Variants in KCNQ1 observed in about 807,000 individuals in gnomAD.
KCNQ1 encodes the protein potassium voltage-gated channel subfamily KQT member 1.
Under a neutral mutation model 72.4 loss-of-function variants are expected in KCNQ1, and 49 were observed. The observed-to-expected ratio is 0.68, with a 90% confidence interval of 0.54 to 0.86. KCNQ1 has a LOEUF of 0.86. Among genes scored for constraint, KCNQ1 ranks in the 40% least tolerant of loss-of-function variants. The pLI is 0.00. For synonymous variants in KCNQ1, 450 were observed against 412.6 expected (o/e 1.09, Z -1.10); for missense variants, 790 against 945.1 (o/e 0.84, Z 2.15).
At chr11:2,542,305 G>A (rs1847839665) in intron 2 of KCNQ1, among the ~76,000 whole-genome samples, 1 of 152,272 alleles carries the variant, frequency 6.6e-6, no homozygotes, top group African/African-American at 2.4e-5. Flanking sequence ...CTCCTCCCCT[G>A]GCGGGGGCGG....
chr11:2,574,963 G>A (rs1023321468), intron 6 of KCNQ1, among the ~76,000 whole-genome samples: 10 of 152,176 alleles, frequency 6.6e-5, no homozygotes, highest in African/African-American at 1.2e-4. Flanking sequence ...TGGGTAGGGC[G>A]TGCTCGGGGG....
intron 1 of KCNQ1, 104 bp downstream of exon 1, chr11:2,445,588 G>A (rs765236939): frequency 9.0e-5 from 118 of 1,308,516 alleles, no homozygotes; most frequent in Non-Finnish European, 1.2e-4. Context: ...CTGCGACCCC[G>A]GAGCAGAGGA....
intron 6 of KCNQ1, among the ~76,000 whole-genome samples, chr11:2,577,140 G>C (rs1848434602): frequency 1.3e-5 from 2 of 152,216 alleles, no homozygotes; most frequent in Admixed American, 1.3e-4. Context: ...TGGTGAGGCT[G>C]GGTCTCCGTT....
chr11:2,679,259 G>A lies in KCNQ1; in HGVS notation c.1514+17178G>A. ...ACAGCTGCCTGTCCCACCCTTGGCT[G>A]TGCTCTCCTTTACTAATCCATAGCC... On this transcript the variant is annotated intron_variant, in intron 11 of 15. Transcript: ENST00000155840. This position sits in a 1 kb window ranked among gnomAD's most constrained non-coding sequence, Gnocchi z 4.8. The A allele has an allele frequency of 1.3e-5, 5 of 398,654 alleles. No homozygotes were observed. Among genetic ancestry groups the A allele is most frequent in the Admixed American group, 4.4e-5 (1 of 22,738 alleles). 24.7% of individuals were successfully genotyped at this position (398,654 alleles called of 1,614,324 possible). A position where few individuals can be genotyped will look rare whatever the true frequency, so the allele number is the denominator to read the frequency against.
rs1846657524 is a variant in KCNQ1 at position 2,481,949 on chromosome 11, C to T, written c.386+36465C>T. Among the ~76,000 whole-genome samples, 1 of 152,228 alleles carries T rather than the reference C, an allele frequency of 6.6e-6. No individual in the cohort carries two copies. Among genetic ancestry groups the T allele is most frequent in the Non-Finnish European group, 1.5e-5 (1 of 68,052 alleles). ...TTGAATCATCCCAGAACCACCCACA[C>T]CACTGGTCTGTGGAAAAACTGTTTT... On this transcript the variant is annotated intron_variant, in intron 1 of 15. Transcript: ENST00000155840. This position sits in a 1 kb window ranked among gnomAD's most constrained non-coding sequence, Gnocchi z 4.6.
intron 10 of KCNQ1, chr11:2,622,846 C>T: frequency 2.5e-6 from 1 of 398,668 alleles, no homozygotes; most frequent in Non-Finnish European, 4.4e-6. Context: ...ACCAGAGTGG[C>T]ACGTTTGTTA....
chr11:2,627,352 T>C lies in KCNQ1; in HGVS notation c.1394-34609T>C, dbSNP rs934361998. ...ACCTAAGCTATACTCTCTTAGCAAATTCCAAGTATAGAATATATTAACTAT... is the reference window on the plus strand; with the variant it reads ...ACCTAAGCTATACTCTCTTAGCAAACTCCAAGTATAGAATATATTAACTAT... On this transcript the variant is annotated intron_variant, in intron 10 of 15. Coordinates refer to ENST00000155840, the MANE Select transcript of KCNQ1 (RefSeq NM_000218.3). The surrounding 1 kb of genome is among the most constrained non-coding windows in gnomAD (Gnocchi z 4.9). The C allele has an allele frequency of 5.0e-6, 2 of 398,516 alleles. No homozygotes were observed. Among genetic ancestry groups the C allele is most frequent in the Non-Finnish European group, 8.8e-6 (2 of 226,040 alleles). The allele number at this position is 398,516 out of a possible 1,614,324, so 24.7% of individuals were successfully genotyped here.
intron 11 of KCNQ1, among the ~76,000 whole-genome samples, chr11:2,719,375 G>T (rs1002405852): frequency 6.6e-6 from 1 of 150,644 alleles, no homozygotes; most frequent in African/African-American, 2.4e-5. Context: ...GCGTGCCTGT[G>T]GTCCCAGCTG....
In KCNQ1 at chr11:2,724,532, C is replaced by A. The variant is rs1242172246; in HGVS notation, c.1515-44312C>A. Among the ~76,000 whole-genome samples the A allele has an allele frequency of 2.0e-5, 3 of 152,216 alleles. No homozygotes were observed. The highest frequency in any genetic ancestry group is 1.9e-4 in the East Asian group (1 of 5,190). ...AGGCTGTCCTGCAAGGCCGTGGCTGCACTGAGGGCAGAAGGGGCCTTGTCA... is the reference window on the plus strand; with the variant it reads ...AGGCTGTCCTGCAAGGCCGTGGCTGAACTGAGGGCAGAAGGGGCCTTGTCA... On this transcript the variant is annotated intron_variant, in intron 11 of 15. Transcript: ENST00000155840. The surrounding 1 kb of genome is among the most constrained non-coding windows in gnomAD (Gnocchi z 6.8).
At chr11:2,837,997 C>T (rs924334713) in intron 15 of KCNQ1, among the ~76,000 whole-genome samples, 1 of 152,196 alleles carries the variant, frequency 6.6e-6, no homozygotes, top group Non-Finnish European at 1.5e-5. Flanking sequence ...GGGTCATGGG[C>T]CCCAGAGGCC....
At chr11:2,521,699 G>T in intron 1 of KCNQ1, 1 of 355,792 alleles carries the variant, frequency 2.8e-6, no homozygotes, top group Non-Finnish European at 5.8e-6. Context: ...AACATCTCAG[G>T]GTTACAAAAC....
intron 11 of KCNQ1, among the ~76,000 whole-genome samples, chr11:2,705,602 C>T (rs189755546): frequency 1.3e-5 from 2 of 152,218 alleles, no homozygotes; most frequent in Admixed American, 6.5e-5. Flanking sequence ...TGTGTGCCCC[C>T]CTTCCTGTGC....
chr11:2,628,242 C>T, intron 10 of KCNQ1: 1 of 398,558 alleles, frequency 2.5e-6, no homozygotes, highest in Non-Finnish European at 4.4e-6. Context: ...TATCAATTTA[C>T]ATTCCTAACA....
rs896211680 is a variant in KCNQ1 at position 2,768,758 on chromosome 11, C to T, written c.1515-86C>T. On this transcript the variant is annotated intron_variant, in intron 11 of 15. Coordinates refer to ENST00000155840, the MANE Select transcript of KCNQ1 (RefSeq NM_000218.3). This position sits in a 1 kb window ranked among gnomAD's most constrained non-coding sequence, Gnocchi z 6.7. ...CTTGTTTCTGGAAGGATCCAGTCTG[C>T]GTGCTCCTCAGGCAGTGCAGGGGCA... 49 of 988,590 alleles carry T rather than the reference C, an allele frequency of 5.0e-5. 2 individuals are homozygous for T. The highest frequency in any genetic ancestry group is 3.5e-4 in the South Asian group (27 of 77,742). The allele number at this position is 988,590 out of a possible 1,614,324, so 61.2% of individuals were successfully genotyped here.
At chr11:2,557,304 T>C (rs1848086800) in intron 2 of KCNQ1, among the ~76,000 whole-genome samples, 1 of 152,138 alleles carries the variant, frequency 6.6e-6, no homozygotes, top group Non-Finnish European at 1.5e-5. Flanking sequence ...GCAAAAACTA[T>C]TGAAAATCTG....
At chr11:2,534,331 GC>G (rs952623685) in intron 2 of KCNQ1, among the ~76,000 whole-genome samples, 1 of 152,276 alleles carries the variant, frequency 6.6e-6, no homozygotes, top group Non-Finnish European at 1.5e-5. Flanking sequence ...AGCCTGCTCT[GC>G]GCACGGCCTG....
At chr11:2,646,476 A>C in intron 10 of KCNQ1, 1 of 398,086 alleles carries the variant, frequency 2.5e-6, no homozygotes. Flanking sequence ...TGCTTTCTTC[A>C]TTTCTCTTTT....
intron 7 of KCNQ1, among the ~76,000 whole-genome samples, chr11:2,583,980 A>ATGTGGG (rs1199058270): frequency 2.0e-5 from 3 of 152,180 alleles, no homozygotes; most frequent in Middle Eastern, 3.4e-3. Flanking sequence ...CAATGCCTGT[A>ATGTGGG]TGTGGGTGTG....
At chr11:2,523,068 T>G (rs1847417553) in intron 1 of KCNQ1, among the ~76,000 whole-genome samples, 1 of 152,230 alleles carries the variant, frequency 6.6e-6, no homozygotes, top group African/African-American at 2.4e-5. Flanking sequence ...ATCCGCGCCA[T>G]GAAGCCCAGG....
Sources: gnomAD v4.1 joint callset for allele counts (sites outside exome capture counted in the v4.1 genomes callset) on GRCh38, gnomAD v4.1.1 for gene constraint, Gnocchi (gnomAD v3.1) non-coding constraint, MANE v1.5 for transcripts, NCBI Gene and HGNC (gene_info 2026-07-23, HGNC 2026-07-21) for gene names.